NELL2: variants seen among roughly 807,000 people sequenced by gnomAD.
NELL2 encodes protein kinase C-binding protein NELL2.
A neutral mutation model predicts 109.6 loss-of-function variants in NELL2; 41 were observed. That is an observed-to-expected ratio of 0.37 (90% CI 0.29 to 0.49). NELL2 has a LOEUF of 0.49. Ranked by LOEUF, NELL2 falls within the 20% of genes least tolerant of loss-of-function variation. NELL2 has a pLI of 0.98. For synonymous variants in NELL2, 355 were observed against 344.7 expected (o/e 1.03, Z -0.33); for missense variants, 900 against 1,008.3 (o/e 0.89, Z 1.45).
At chr12:44,721,179 A>G (rs1227149973) in intron 9 of NELL2, among the ~76,000 whole-genome samples, 1 of 152,208 alleles carries the variant, frequency 6.6e-6, no homozygotes, top group East Asian at 1.9e-4. Flanking sequence ...TAACTTTACC[A>G]ATTTAAATGG....
chr12:44,786,019 T>C (rs1942154223), intron 3 of NELL2, among the ~76,000 whole-genome samples: 1 of 150,870 alleles, frequency 6.6e-6, no homozygotes, highest in Admixed American at 6.6e-5. Flanking sequence ...AAAAGCACAG[T>C]TGACAAATGG....
chr12:44,571,954 C>T (rs1943886638), intron 15 of NELL2, among the ~76,000 whole-genome samples: 1 of 151,656 alleles, frequency 6.6e-6, no homozygotes, highest in Non-Finnish European at 1.5e-5. Context: ...GCACAATAAG[C>T]AAACAAACAA....
At chr12:44,621,169 G>A (rs1946044551) in intron 13 of NELL2, among the ~76,000 whole-genome samples, 1 of 152,032 alleles carries the variant, frequency 6.6e-6, no homozygotes, top group African/African-American at 2.4e-5. Flanking sequence ...GCTATTCTCG[G>A]CCCAGAAAGC....
At position 44,875,369 on chromosome 12, in the gene NELL2, A is replaced by G; in HGVS notation, c.56-16T>C. 1 of 1,614,082 alleles carries G rather than the reference A, an allele frequency of 6.2e-7. No homozygotes were observed. The highest frequency in any genetic ancestry group is 2.2e-5 in the East Asian group (1 of 44,882). ...AGCCCCCAAACTGGTGAGGGGTATGAGGTGGGAGAGAGAAAAAGGAAAAGC... is the reference window on the plus strand; with the variant it reads ...AGCCCCCAAACTGGTGAGGGGTATGGGGTGGGAGAGAGAAAAAGGAAAAGC... On this transcript the variant is annotated splice_polypyrimidine_tract_variant and intron_variant, in intron 1 of 19. Transcript: ENST00000429094.
intron 19 of NELL2, among the ~76,000 whole-genome samples, chr12:44,512,205 A>G (rs1592048464): frequency 1.3e-5 from 2 of 152,264 alleles, no homozygotes; most frequent in African/African-American, 4.8e-5. Context: ...AGTCATACAA[A>G]TGACCAACAC....
At chr12:44,617,313 C>T (rs1254756883) in intron 13 of NELL2, among the ~76,000 whole-genome samples, 2 of 152,124 alleles carry the variant, frequency 1.3e-5, no homozygotes, top group Middle Eastern at 3.4e-3. Context: ...GGTTTAGATG[C>T]CATTTTATCC....
rs537599436 is a variant in NELL2 at position 44,746,794 on chromosome 12, A to C, written c.994+27953T>G. 1.7e-3 allele frequency among the ~76,000 whole-genome samples: 254 copies of C among 152,290 alleles called. 1 individual carries two copies. Among genetic ancestry groups the C allele is most frequent in the Non-Finnish European group, 3.0e-3 (205 of 68,024 alleles). On this transcript the variant is annotated intron_variant, in intron 9 of 19. Coordinates refer to ENST00000429094, the MANE Select transcript of NELL2 (RefSeq NM_001145108.2). ...GAATGGCGATCATTAAAAAGTCAAG[A>C]AACAACAGGTGCTGGAGAGGATGTG... is the stretch of plus-strand genomic sequence containing the variant.
intron 13 of NELL2, among the ~76,000 whole-genome samples, chr12:44,643,685 T>C (rs963643429): frequency 1.3e-5 from 2 of 152,034 alleles, no homozygotes; most frequent in Non-Finnish European, 2.9e-5. Context: ...AAATTTAGGG[T>C]TCCACGTAGA....
intron 2 of NELL2, among the ~76,000 whole-genome samples, chr12:44,842,109 G>GAGGGAGGGAGGA (rs1405942738): frequency 7.7e-5 from 3 of 38,750 alleles, no homozygotes; most frequent in African/African-American, 1.1e-4. Flanking sequence ...GGGAGGGAGG[G>GAGGGAGGGAGGA]AGGAAGGAAG....
chr12:44,753,848 T>G (rs73102349), intron 9 of NELL2, among the ~76,000 whole-genome samples: 11 of 101,312 alleles, frequency 1.1e-4, no homozygotes, highest in Non-Finnish European at 2.0e-4. Flanking sequence ...CTAATGTATT[T>G]GTAAGGAATG....
At chr12:44,529,797 A>T (rs1941960115) in intron 16 of NELL2, among the ~76,000 whole-genome samples, 1 of 152,218 alleles carries the variant, frequency 6.6e-6, no homozygotes, top group Non-Finnish European at 1.5e-5. Context: ...GAGCAGTGAG[A>T]CTAAAGTGTC....
chr12:44,763,307 T>C (rs1296982428), intron 9 of NELL2, among the ~76,000 whole-genome samples: 1 of 152,220 alleles, frequency 6.6e-6, no homozygotes, highest in African/African-American at 2.4e-5. Context: ...ATTATTAACA[T>C]TGCTTTGCCG....
intron 1 of NELL2, among the ~76,000 whole-genome samples, chr12:44,912,295 C>A (rs978238208): frequency 3.9e-5 from 6 of 151,966 alleles, no homozygotes; most frequent in Non-Finnish European, 5.9e-5. Flanking sequence ...TAGTTACTTG[C>A]CAAAGCATAT....
At chr12:44,740,310 A>G (rs1340788871) in intron 9 of NELL2, among the ~76,000 whole-genome samples, 3 of 152,194 alleles carry the variant, frequency 2.0e-5, no homozygotes, top group Admixed American at 6.5e-5. Context: ...GTGTACTTGT[A>G]TCTGGATATA....
At chr12:44,515,505 T>C (rs772050223) in intron 19 of NELL2, among the ~76,000 whole-genome samples, 2 of 151,966 alleles carry the variant, frequency 1.3e-5, no homozygotes, top group Non-Finnish European at 2.9e-5. Context: ...CTACTGAAAG[T>C]AGGTGTTACC....
intron 9 of NELL2, among the ~76,000 whole-genome samples, chr12:44,743,952 A>G (rs1335868303): frequency 6.6e-6 from 1 of 152,170 alleles, no homozygotes; most frequent in African/African-American, 2.4e-5. Flanking sequence ...AAGCGGACCT[A>G]ATAGACATCT....
chr12:44,543,698 C>T lies in NELL2; in HGVS notation c.1664-10977G>A, dbSNP rs555142151. 3.3e-5 allele frequency among the ~76,000 whole-genome samples: 5 copies of T among 152,236 alleles called. No individual in the cohort carries two copies. The South Asian group carries it at 1.0e-3, about 32-fold the overall frequency. ...TGCCAAAGAGAACTAAGGCAGAAGC[C>T]ATTATTCCTGGGAAGTCATAGCAAT... On this transcript the variant is annotated intron_variant, in intron 15 of 19. Coordinates refer to ENST00000429094, the MANE Select transcript of NELL2 (RefSeq NM_001145108.2).
In NELL2 at chr12:44,595,732, C is replaced by T. The variant is rs192599871; in HGVS notation, c.1663+11437G>A. 2.5e-3 allele frequency among the ~76,000 whole-genome samples: 379 copies of T among 152,086 alleles called. 2 individuals are homozygous for T. Among genetic ancestry groups the T allele is most frequent in the African/African-American group, 8.5e-3 (354 of 41,492 alleles). ...CTGGGATTACAGGCATGAGCCACCA[C>T]GCCTGGCCCCTTTAACTTGTTTTTT... On this transcript the variant is annotated intron_variant, in intron 15 of 19. Transcript: ENST00000429094.
At chr12:44,608,145 G>A (rs1164002225) in intron 14 of NELL2, among the ~76,000 whole-genome samples, 1 of 152,076 alleles carries the variant, frequency 6.6e-6, no homozygotes. Context: ...CTCAGCAGCT[G>A]CTTCCTCAGC....
Sources: gnomAD v4.1 joint callset for allele counts (sites outside exome capture counted in the v4.1 genomes callset) on GRCh38, gnomAD v4.1.1 for gene constraint, MANE v1.5 for transcripts, NCBI Gene and HGNC (gene_info 2026-07-23, HGNC 2026-07-21) for gene names.